Variants in AP5B1 observed in about 807,000 individuals in gnomAD.
AP5B1 encodes adaptor related protein complex 5 subunit beta 1.
A neutral mutation model predicts 5.7 loss-of-function variants in AP5B1; 3 were observed. The ratio of observed to expected loss-of-function variants is 0.53; its 90% confidence interval spans 0.24 to 1.36. AP5B1 has a LOEUF of 1.36. Ranked by LOEUF, AP5B1 falls within the 40% of genes most tolerant of loss-of-function variation. The pLI is 0.17. For missense variants in AP5B1, 1,310 were observed against 1,143.2 expected (o/e 1.15, Z -2.10); for synonymous variants, 696 against 555.5 (o/e 1.25, Z -3.56).
At position 65,778,033 on chromosome 11, in the gene AP5B1, C is replaced by T. The variant is rs776393286; in HGVS notation, c.2460G>A (p.Val820=). 2 of 1,612,612 alleles carry T rather than the reference C, an allele frequency of 1.2e-6. No homozygotes were observed. Among genetic ancestry groups the T allele is most frequent in the Non-Finnish European group, 1.7e-6 (2 of 1,179,778 alleles). Residue 820 remains valine (V), a synonymous_variant, in exon 2 of 2, where the codon GTG becomes GTA. Transcript: ENST00000532090. ...LVSRHLEPFV[V]VAQPPTSYCV... ...AGTAGCTGGTAGGAGGCTGGGCCAC[C>T]ACCACAAAAGGCTCCAGGTGGCGGG... is the stretch of plus-strand genomic sequence containing the variant.
In AP5B1 at chr11:65,779,861, AGCAGTCCC is replaced by A; in HGVS notation, c.624_631del (p.Gly209HisfsTer3). On this transcript the variant is annotated frameshift_variant, in exon 2 of 2. Transcript: ENST00000532090. LOFTEE classifies it low-confidence loss of function (END_TRUNC). ...CCCAGTTGGGGAGACCTTATCCGTGAGCAGTCCCCCCAGGCCAGCCCCAACCCGGGACT... is the reference window on the plus strand; with the variant it reads ...CCCAGTTGGGGAGACCTTATCCGTGACCCAGGCCAGCCCCAACCCGGGACT... 6.3e-7 allele frequency: 1 copy of A among 1,598,974 alleles called. No individual in the cohort carries two copies. Among genetic ancestry groups the A allele is most frequent in the Non-Finnish European group, 8.5e-7 (1 of 1,172,552 alleles).
At position 65,780,038 on chromosome 11, in the gene AP5B1, T is replaced by C; in HGVS notation, c.455A>G (p.Glu152Gly). The part of the protein sequence containing the change: ...EQRPLQATAC[E>G]CLRELESCKP... Reference sequence around the variant, plus strand: ...GCAGCTCTCTAGCTCTCGCAGGCACTCGCAGGCCGTGGCCTGCAAGGGGCG... The same window carrying C: ...GCAGCTCTCTAGCTCTCGCAGGCACCCGCAGGCCGTGGCCTGCAAGGGGCG... The change falls in exon 2 of 2, where the codon GAG becomes GGG. Residue 152 changes from glutamate (E) to glycine (G), a missense_variant. Coordinates refer to ENST00000532090, the MANE Select transcript of AP5B1 (RefSeq NM_138368.5). 1 of 1,554,348 alleles carries C rather than the reference T, an allele frequency of 6.4e-7. No homozygotes were observed. The highest frequency in any genetic ancestry group is 8.7e-7 in the Non-Finnish European group (1 of 1,149,498).
Position 65,778,722 on chromosome 11 carries a change from C to T in AP5B1, c.1771G>A (p.Gly591Ser), listed in dbSNP as rs763590147. ...AGCACCTGCAGCAAGTCGACCAGGC[C>T]GCCCCTCACCCCTGCCCGCAGCAGC... ...RALLRAGVRG[G>S]LVDLLQVLAR... The change falls in exon 2 of 2, where the codon GGC becomes AGC. Residue 591 changes from glycine to serine, a missense_variant. Gly to Ser is a moderately conservative substitution (Grantham distance 56). Coordinates refer to ENST00000532090, the MANE Select transcript of AP5B1 (RefSeq NM_138368.5). 1.4e-5 allele frequency: 22 copies of T among 1,592,052 alleles called. No individual in the cohort carries two copies. The highest frequency in any genetic ancestry group is 8.0e-5 in the African/African-American group (6 of 74,600).
In AP5B1 at chr11:65,777,951, G is replaced by C. The variant is rs759441498; in HGVS notation, c.2542C>G (p.Leu848Val). Residue 848 changes from leucine to valine, a missense_variant, in exon 2 of 2, where the codon CTG becomes GTG. Transcript: ENST00000532090. ...SKLLLRLEAA[L>V]ADGVPVALRT... ...AGGGCCACAGGCACTCCATCTGCCA[G>C]GGCCGCCTCCAGCCGCAGCAGCAGC... 3.8e-6 allele frequency: 6 copies of C among 1,582,530 alleles called. No individual in the cohort carries two copies. The highest frequency in any genetic ancestry group is 5.1e-6 in the Non-Finnish European group (6 of 1,165,640).
chr11:65,778,667 C>G lies in AP5B1; in HGVS notation c.1826G>C (p.Arg609Pro). The G allele has an allele frequency of 6.4e-7, 1 of 1,564,720 alleles. No homozygotes were observed. Among genetic ancestry groups the G allele is most frequent in the Non-Finnish European group, 8.6e-7 (1 of 1,159,272 alleles). ...LARQLEDPDG[R>P]DHARLYYILL... ...GATGTAGTAGAGGCGGGCGTGGTCA[C>G]GCCCATCAGGGTCCTCCAGCTGCCT... The change falls in exon 2 of 2, where the codon CGT (arginine) becomes CCT (proline). Residue 609 changes from arginine to proline, a missense_variant. Coordinates refer to ENST00000532090, the MANE Select transcript of AP5B1 (RefSeq NM_138368.5).
chr11:65,780,601 C>A lies in AP5B1; in HGVS notation c.-10G>T. On this transcript the variant is annotated 5_prime_UTR_variant, in exon 1 of 2. Transcript: ENST00000532090. ...GGCTCAGGGGCCCCATGGTGAGGCG[C>A]GCGGGCCCCTGCGCAGGGAAGAGGG... is the stretch of plus-strand genomic sequence containing the variant. 7.0e-7 allele frequency: 1 copy of A among 1,422,172 alleles called. No homozygotes were observed. Among genetic ancestry groups the A allele is most frequent in the Non-Finnish European group, 9.2e-7 (1 of 1,089,994 alleles). 88.1% of individuals were successfully genotyped at this position (1,422,172 alleles called of 1,614,324 possible).
rs1483746181 is a variant in AP5B1 at position 65,780,910 on chromosome 11, A to T, written c.-319T>A. ...CACCCCGGCCCCCGGCGCCGGCGGTAACGGGCCGCGCTCGCCGCCTGACTC... is the reference window on the plus strand; with the variant it reads ...CACCCCGGCCCCCGGCGCCGGCGGTTACGGGCCGCGCTCGCCGCCTGACTC... On this transcript the variant is annotated 5_prime_UTR_variant, in exon 1 of 2. Transcript: ENST00000532090. 1 of 177,326 alleles carries T rather than the reference A, an allele frequency of 5.6e-6. No individual in the cohort carries two copies. The highest frequency in any genetic ancestry group is 1.2e-5 in the Non-Finnish European group (1 of 85,894). The allele number at this position is 177,326 out of a possible 1,614,324, so 11.0% of individuals were successfully genotyped here. A position where few individuals can be genotyped will look rare whatever the true frequency, so the allele number is the denominator to read the frequency against.
chr11:65,779,485 C>T lies in AP5B1; in HGVS notation c.1008G>A (p.Glu336=). 1 of 1,603,008 alleles carries T rather than the reference C, an allele frequency of 6.2e-7. No individual in the cohort carries two copies. The highest frequency in any genetic ancestry group is 8.5e-7 in the Non-Finnish European group (1 of 1,175,568). ...AMLALKAAFG[E]ALFTAQDEAL... ...CTTCATCCTGGGCTGTGAACAAGGC[C>T]TCACCAAAGGCCGCCTTGAGCGCAA... Residue 336 remains glutamate (E), a synonymous_variant, in exon 2 of 2, where the codon GAG becomes GAA. Transcript: ENST00000532090.
In AP5B1 at chr11:65,778,546, C is replaced by G; in HGVS notation, c.1947G>C (p.Gln649His). ...ALASSLVAEN[Q>H]GFVAALMVQE... ...GCACCATCAGTGCTGCCACAAAGCCCTGGTTCTCGGCCACCAGTGAAGAGG... is the reference window on the plus strand; with the variant it reads ...GCACCATCAGTGCTGCCACAAAGCCGTGGTTCTCGGCCACCAGTGAAGAGG... Residue 649 changes from glutamine (Q) to histidine (H), a missense_variant, in exon 2 of 2, where the codon CAG (glutamine) becomes CAC (histidine). Gln to His is a conservative substitution (Grantham distance 24). Transcript: ENST00000532090. 4.4e-6 allele frequency: 7 copies of G among 1,580,606 alleles called. No individual in the cohort carries two copies. The highest frequency in any genetic ancestry group is 2.7e-5 in the African/African-American group (2 of 74,396).
In AP5B1 at chr11:65,780,215, C is replaced by T; in HGVS notation, c.278G>A (p.Arg93His). 6.6e-7 allele frequency: 1 copy of T among 1,506,820 alleles called. No homozygotes were observed. The highest frequency in any genetic ancestry group is 8.8e-7 in the Non-Finnish European group (1 of 1,130,888). 93.3% of individuals were successfully genotyped at this position (1,506,820 alleles called of 1,614,324 possible). The stretch of plus-strand genomic sequence containing the variant: ...GGTGGCCGCCAGCAGCAGTGGCCGA[C>T]GGAGAGCTGAGGGCCGCGGGGGTAG... ...VLLPPRPSAL[R>H]RPLLLAATTA... Residue 93 changes from arginine (R) to histidine (H), a missense_variant, in exon 2 of 2, where the codon CGT becomes CAT. By Grantham distance (29) the Arg-to-His change is conservative. Coordinates refer to ENST00000532090, the MANE Select transcript of AP5B1 (RefSeq NM_138368.5).
chr11:65,778,567 A>T lies in AP5B1; in HGVS notation c.1926T>A (p.Ser642=), dbSNP rs758737563. ...GPSLAAPALA[S]SLVAENQGFV... ...AGCCCTGGTTCTCGGCCACCAGTGAAGAGGCCAGTGCAGGTGCGGCAAGCG... is the reference window on the plus strand; with the variant it reads ...AGCCCTGGTTCTCGGCCACCAGTGATGAGGCCAGTGCAGGTGCGGCAAGCG... The change falls in exon 2 of 2, where the codon TCT becomes TCA. Residue 642 remains serine (S), a synonymous_variant. Coordinates refer to ENST00000532090, the MANE Select transcript of AP5B1 (RefSeq NM_138368.5). The T allele has an allele frequency of 1.9e-6, 3 of 1,587,452 alleles. No individual in the cohort carries two copies. The South Asian group carries it at 3.4e-5, about 18-fold the overall frequency.
Position 65,780,173 on chromosome 11 carries a change from CCCG to C in AP5B1, c.317_319del (p.Ala106del). On this transcript the variant is annotated inframe_deletion, in exon 2 of 2. Coordinates refer to ENST00000532090, the MANE Select transcript of AP5B1 (RefSeq NM_138368.5). The stretch of plus-strand genomic sequence containing the variant: ...GCCCGAGGTGGGGCCCAGCGCGCCG[CCCG>C]CCGCCAGGGCAGTGGTGGCCGCCAG... 2 of 1,480,458 alleles carry C rather than the reference CCCG, an allele frequency of 1.4e-6. No homozygotes were observed. The highest frequency in any genetic ancestry group is 2.4e-4 in the Middle Eastern group (1 of 4,172). 91.7% of individuals were successfully genotyped at this position (1,480,458 alleles called of 1,614,324 possible).
rs896150295 is a variant in AP5B1, at chr11:65,775,471, G to A, written c.*2385C>T. Among the ~76,000 whole-genome samples the A allele has an allele frequency of 6.6e-6, 1 of 152,226 alleles. No homozygotes were observed. The highest frequency in any genetic ancestry group is 2.4e-5 in the African/African-American group (1 of 41,470). ...ATATGGATGGAGGACACAGGGCCAA[G>A]GAAGTTTGCTCTGCGGGCCCAGCCT... On this transcript the variant is annotated 3_prime_UTR_variant, in exon 2 of 2. Coordinates refer to ENST00000532090, the MANE Select transcript of AP5B1 (RefSeq NM_138368.5).
In AP5B1 at chr11:65,774,582, G is replaced by C. The variant is rs1444631945; in HGVS notation, c.*3274C>G. On this transcript the variant is annotated 3_prime_UTR_variant, in exon 2 of 2. Transcript: ENST00000532090. ...ACGCCACCACACCCGGCTAATTTTT[G>C]GATTTTTAGTAGAGACGGGTTTCAC... Among the ~76,000 whole-genome samples the C allele has an allele frequency of 6.6e-6, 1 of 151,996 alleles. No homozygotes were observed. Among genetic ancestry groups the C allele is most frequent in the East Asian group, 1.9e-4 (1 of 5,182 alleles).
rs1026170509 is a variant in AP5B1 at position 65,777,766 on chromosome 11, C to T, written c.*90G>A. On this transcript the variant is annotated 3_prime_UTR_variant, in exon 2 of 2. Transcript: ENST00000532090. ...AGAAAACAAGCCAGCGAGGGCACTGCGGAATGCAGGGTTTTGGCGACAGAG... is the reference window on the plus strand; with the variant it reads ...AGAAAACAAGCCAGCGAGGGCACTGTGGAATGCAGGGTTTTGGCGACAGAG... The T allele has an allele frequency of 3.0e-5, 42 of 1,385,978 alleles. No individual in the cohort carries two copies. Among genetic ancestry groups the T allele is most frequent in the Non-Finnish European group, 3.6e-5 (38 of 1,051,878 alleles). The allele number at this position is 1,385,978 out of a possible 1,614,324, so 85.9% of individuals were successfully genotyped here.
Position 65,780,174 on chromosome 11 carries a change from C to A in AP5B1, c.319G>T (p.Gly107Cys). 2 of 1,480,964 alleles carry A rather than the reference C, an allele frequency of 1.4e-6. No individual in the cohort carries two copies. The highest frequency in any genetic ancestry group is 2.4e-4 in the Middle Eastern group (1 of 4,184). 91.7% of individuals were successfully genotyped at this position (1,480,964 alleles called of 1,614,324 possible). The change falls in exon 2 of 2, where the codon GGC becomes TGC. Residue 107 changes from glycine to cysteine, a missense_variant. Physicochemically the swap from Gly to Cys is radical, Grantham distance 159. Transcript: ENST00000532090. ...LLAATTALAAGGALGPTSGAS... is the reference protein window; with the variant it reads ...LLAATTALAACGALGPTSGAS... ...CCCGAGGTGGGGCCCAGCGCGCCGCCCGCCGCCAGGGCAGTGGTGGCCGCC... is the reference window on the plus strand; with the variant it reads ...CCCGAGGTGGGGCCCAGCGCGCCGCACGCCGCCAGGGCAGTGGTGGCCGCC...
rs765868577 is a variant in AP5B1 at position 65,779,353 on chromosome 11, C to A, written c.1140G>T (p.Pro380=). The stretch of plus-strand genomic sequence containing the variant: ...CAGCCTCCTCACCTTCAGGGCCCAG[C>A]GGCCAGTTCTCAGGGAAGCTCAGGA... ...HCVLSFPENW[P]LGPEGEEAAP... Residue 380 remains proline (P), a synonymous_variant, in exon 2 of 2, where the codon CCG becomes CCT. Transcript: ENST00000532090. 6 of 1,592,614 alleles carry A rather than the reference C, an allele frequency of 3.8e-6. No individual in the cohort carries two copies. The highest frequency in any genetic ancestry group is 3.4e-5 in the Admixed American group (2 of 58,098).
chr11:65,778,381 A>G lies in AP5B1; in HGVS notation c.2112T>C (p.Tyr704=). 2 of 1,604,852 alleles carry G rather than the reference A, an allele frequency of 1.2e-6. No homozygotes were observed. Among genetic ancestry groups the G allele is most frequent in the South Asian group, 1.1e-5 (1 of 90,472 alleles). ...GCACATGGACAGCCTCCAGGGGTGC[A>G]TACAGCTGTCCTTCCACACGGAAGC... ...ELRFRVEGQL[Y]APLEAVHVPC... Residue 704 remains tyrosine (Y), a synonymous_variant, in exon 2 of 2, where the codon TAT becomes TAC. Transcript: ENST00000532090.
Position 65,778,263 on chromosome 11 carries a change from A to T in AP5B1, c.2230T>A (p.Tyr744Asn). Residue 744 changes from tyrosine to asparagine, a missense_variant, in exon 2 of 2, where the codon TAC becomes AAC. Transcript: ENST00000532090. Reference protein sequence around the residue: ...APARLDVHALYTTSTGLTCHA... With the variant: ...APARLDVHALNTTSTGLTCHA... ...CACGTGAGACCAGTGGATGTGGTGTAAAGGGCATGGACATCCAGCCGTGCG... is the reference window on the plus strand; with the variant it reads ...CACGTGAGACCAGTGGATGTGGTGTTAAGGGCATGGACATCCAGCCGTGCG... 1.2e-6 allele frequency: 2 copies of T among 1,613,302 alleles called. No homozygotes were observed. Among genetic ancestry groups the T allele is most frequent in the South Asian group, 2.2e-5 (2 of 91,092 alleles).
Sources: gnomAD v4.1 joint callset for allele counts (sites outside exome capture counted in the v4.1 genomes callset) on GRCh38, gnomAD v4.1.1 for gene constraint, MANE v1.5 for transcripts, NCBI Gene and HGNC (gene_info 2026-07-23, HGNC 2026-07-21) for gene names.